The following MEIS2 variants were observed in gnomAD, a reference collection of about 807,000 sequenced individuals.
The protein encoded by MEIS2 is Meis homeobox 2, also known as homeobox protein Meis2.
Under a neutral mutation model 58.6 loss-of-function variants are expected in MEIS2, and 9 were observed. That is an observed-to-expected ratio of 0.15 (90% CI 0.09 to 0.27). The LOEUF is 0.27. Ranked by LOEUF, MEIS2 falls within the 10% of genes least tolerant of loss-of-function variation. MEIS2 has a pLI of 1.00. For synonymous variants in MEIS2, 221 were observed against 228.4 expected, an observed-to-expected ratio of 0.97 and a Z score of 0.29; for missense variants, 427 against 635.0, an observed-to-expected ratio of 0.67 and a Z score of 3.52.
At chr15:37,035,212 A>C (rs75064874) in intron 8 of MEIS2, among the ~76,000 whole-genome samples, 120 of 152,338 alleles carry the variant, frequency 7.9e-4, no homozygotes, top group Non-Finnish European at 1.5e-3. Flanking sequence ...TCATTTAAAA[A>C]TGAGAAACCC....
At chr15:37,099,351 A>G (rs1419785720) in intron 1 of MEIS2, 104 bp downstream of exon 1, 4 of 1,566,490 alleles carry the variant, frequency 2.6e-6, no homozygotes, top group Admixed American at 4.1e-5. Flanking sequence ...GCCATCATCA[A>G]GCAGCGAGCA....
At chr15:37,021,846 A>G (rs1488838877) in intron 8 of MEIS2, among the ~76,000 whole-genome samples, 3 of 152,186 alleles carry the variant, frequency 2.0e-5, no homozygotes, top group Non-Finnish European at 2.9e-5. Context: ...ATATGTCCAT[A>G]TATATTTTCT....
At chr15:36,894,630 G>A in intron 11 of MEIS2, 1 of 1,135,432 alleles carries the variant, frequency 8.8e-7, no homozygotes, top group Non-Finnish European at 1.3e-6. Flanking sequence ...TTATGGGCAA[G>A]GAAAAATAAA....
At chr15:36,958,123 A>G (rs1437415869) in intron 8 of MEIS2, among the ~76,000 whole-genome samples, 1 of 152,196 alleles carries the variant, frequency 6.6e-6, no homozygotes, top group Non-Finnish European at 1.5e-5. Flanking sequence ...AGCCTCCTAT[A>G]GAATTCAGAA....
chr15:36,952,646 T>TGTGCGTGC (rs1555432958), intron 8 of MEIS2, among the ~76,000 whole-genome samples: 10 of 150,202 alleles, frequency 6.7e-5, no homozygotes, highest in African/African-American at 2.2e-4. Flanking sequence ...TGTGTGTGTG[T>TGTGCGTGC]GTGCATGTGT....
intron 9 of MEIS2, among the ~76,000 whole-genome samples, chr15:36,945,743 G>A (rs1043023975): frequency 5.3e-5 from 8 of 151,914 alleles, no homozygotes; most frequent in African/African-American, 1.9e-4. Context: ...TGGGAAGGTG[G>A]GGCAAACAGG....
intron 7 of MEIS2, among the ~76,000 whole-genome samples, chr15:37,070,221 G>A (rs1890517573): frequency 6.6e-6 from 1 of 152,260 alleles, no homozygotes; most frequent in African/African-American, 2.4e-5. Context: ...CAAGTATAGT[G>A]GAAGTCCATG....
intron 8 of MEIS2, among the ~76,000 whole-genome samples, chr15:36,966,498 T>C (rs1290111045): frequency 2.6e-5 from 4 of 152,150 alleles, no homozygotes. Flanking sequence ...GGCAGATTAC[T>C]TACTGTAAAA....
chr15:37,079,985 G>A (rs1567270043), intron 7 of MEIS2, among the ~76,000 whole-genome samples: 1 of 152,114 alleles, frequency 6.6e-6, no homozygotes, highest in African/African-American at 2.4e-5. Context: ...TCACAGTGCA[G>A]GGATTGTTCA....
intron 9 of MEIS2, among the ~76,000 whole-genome samples, chr15:36,917,704 C>T (rs1237588044): frequency 2.0e-5 from 3 of 152,168 alleles, no homozygotes; most frequent in Admixed American, 2.0e-4. Flanking sequence ...CACCTAAGGG[C>T]ACTAACTCAT....
chr15:36,991,053 T>G (rs1441399935), intron 8 of MEIS2, among the ~76,000 whole-genome samples: 2 of 152,194 alleles, frequency 1.3e-5, no homozygotes, highest in Non-Finnish European at 2.9e-5. Flanking sequence ...CCCTTCATGT[T>G]AAAATATATT....
At chr15:36,903,480 T>G (rs1316735925) in intron 9 of MEIS2, among the ~76,000 whole-genome samples, 1 of 152,188 alleles carries the variant, frequency 6.6e-6, no homozygotes, top group African/African-American at 2.4e-5. Context: ...CTTTGAAACT[T>G]TTACTACTGA....
At chr15:36,901,196 C>T (rs1262101507) in intron 9 of MEIS2, 1 of 152,254 alleles carries the variant, frequency 6.6e-6, no homozygotes. Flanking sequence ...CTACTGTCCC[C>T]AGCCCTGGGA....
At chr15:36,964,502 C>A (rs1306879249) in intron 8 of MEIS2, among the ~76,000 whole-genome samples, 1 of 152,158 alleles carries the variant, frequency 6.6e-6, no homozygotes, top group African/African-American at 2.4e-5. Context: ...GGGAAAAATT[C>A]TGCATGTTAC....
At chr15:36,913,879 C>A (rs372123861) in intron 9 of MEIS2, among the ~76,000 whole-genome samples, 1 of 152,134 alleles carries the variant, frequency 6.6e-6, no homozygotes, top group Non-Finnish European at 1.5e-5. Context: ...AGCTGGGATC[C>A]GCCATCTTGT....
chr15:37,100,570 G>C (rs1319745043), upstream of MEIS2: 5 of 151,592 alleles, frequency 3.3e-5, no homozygotes, highest in Non-Finnish European at 7.4e-5. Flanking sequence ...CCCCGGCTGG[G>C]GGGGTGGGGG....
Position 36,889,651 on chromosome 15 carries a change from T to A in MEIS2, c.*2522A>T, listed in dbSNP as rs1287369483. The A allele has an allele frequency of 6.6e-6, 1 of 152,018 alleles. No individual in the cohort carries two copies. Among genetic ancestry groups the A allele is most frequent in the Non-Finnish European group, 1.5e-5 (1 of 67,984 alleles). 9.4% of individuals were successfully genotyped at this position (152,018 alleles called of 1,614,324 possible). A position where few individuals can be genotyped will look rare whatever the true frequency, so the allele number is the denominator to read the frequency against. ...TAACTTGATAATTGCATAAAACACATCCTAAACACGAGCCAATTGCCAAGG... is the reference window on the plus strand; with the variant it reads ...TAACTTGATAATTGCATAAAACACAACCTAAACACGAGCCAATTGCCAAGG... On this transcript the variant is annotated 3_prime_UTR_variant, in exon 12 of 12. Transcript: ENST00000561208.
intron 8 of MEIS2, among the ~76,000 whole-genome samples, chr15:36,951,440 T>C (rs2058746240): frequency 6.6e-6 from 1 of 152,146 alleles, no homozygotes; most frequent in South Asian, 2.1e-4. Flanking sequence ...GAGGGTGACA[T>C]TAGGAACAAC....
At chr15:36,930,202 T>TAA (rs370695754) in intron 9 of MEIS2, among the ~76,000 whole-genome samples, 4,275 of 94,114 alleles carry the variant, frequency 0.045, 249 homozygotes, top group East Asian at 0.14. Flanking sequence ...GACTCAGTCT[T>TAA]AAAAAAAAAA....
Sources: gnomAD v4.1 joint callset for allele counts (sites outside exome capture counted in the v4.1 genomes callset) on GRCh38, gnomAD v4.1.1 for gene constraint, MANE v1.5 for transcripts, NCBI Gene and HGNC (gene_info 2026-07-23, HGNC 2026-07-21) for gene names.